The following TMEM51 variants were observed in gnomAD, a reference collection of about 807,000 sequenced individuals.
TMEM51 encodes transmembrane protein 51.
A neutral mutation model predicts 13.6 loss-of-function variants in TMEM51; 8 were observed. The ratio of observed to expected loss-of-function variants is 0.59; its 90% CI spans 0.35 to 1.07. The LOEUF is 1.07. TMEM51 is among the 50% of genes least tolerant of loss of function. The probability of loss-of-function intolerance (pLI) is 0.02; values close to 1 mark genes in which losing one functional copy is unlikely to be tolerated. For missense variants in TMEM51, 279 were observed against 330.7 expected (o/e 0.84, Z 1.21); for synonymous variants, 147 against 144.4 (o/e 1.02, Z -0.13).
At chr1:15,195,422 G>A (rs1279840534) in intron 1 of TMEM51, among the ~76,000 whole-genome samples, 1 of 152,080 alleles carries the variant, frequency 6.6e-6, no homozygotes, top group African/African-American at 2.4e-5. Flanking sequence ...TCTAGTGTGT[G>A]TTTTACACTT....
chr1:15,171,291 A>G, intron 1 of TMEM51: 2 of 1,304,258 alleles, frequency 1.5e-6, no homozygotes, highest in Non-Finnish European at 2.0e-6. Context: ...TTCCAGGTCA[A>G]TGAGAGAAGC....
Position 15,219,011 on chromosome 1 carries a change from T to G in TMEM51, c.345-315T>G, listed in dbSNP as rs77890690. Among the ~76,000 whole-genome samples, 496 of 152,332 alleles carry G rather than the reference T, an allele frequency of 3.3e-3. 2 individuals carry two copies. The highest frequency in any genetic ancestry group is 0.011 in the African/African-American group (478 of 41,572). On this transcript the variant is annotated intron_variant, in intron 3 of 3. Transcript: ENST00000376008. ...TGGTCTAACACCACTGGCTCACCCT[T>G]GAATTCCTTCCTTGATGAAGCCAAG...
chr1:15,159,554 TTTTTG>T (rs1179372726), intron 1 of TMEM51, among the ~76,000 whole-genome samples: 1 of 152,340 alleles, frequency 6.6e-6, no homozygotes. Context: ...GGCATTTCTT[TTTTTG>T]TTTTGTTTTG....
intron 1 of TMEM51, among the ~76,000 whole-genome samples, chr1:15,206,005 G>A (rs1487565975): frequency 6.6e-6 from 1 of 152,188 alleles, no homozygotes; most frequent in Non-Finnish European, 1.5e-5. Context: ...GGGAGGCTGA[G>A]GCAGGCAGAT....
chr1:15,189,183 G>A (rs1328115114), intron 1 of TMEM51, among the ~76,000 whole-genome samples: 9 of 142,006 alleles, frequency 6.3e-5, no homozygotes, highest in African/African-American at 1.8e-4. Context: ...GGGATTACAC[G>A]CACCCTTCAC....
intron 1 of TMEM51, among the ~76,000 whole-genome samples, chr1:15,165,683 T>C (rs987217378): frequency 3.9e-5 from 6 of 152,244 alleles, no homozygotes; most frequent in Admixed American, 3.3e-4. Flanking sequence ...GTATTTTTTA[T>C]AATAGCAATA....
intron 1 of TMEM51, among the ~76,000 whole-genome samples, chr1:15,187,055 A>C (rs1013285821): frequency 6.6e-6 from 1 of 152,144 alleles, no homozygotes; most frequent in African/African-American, 2.4e-5. Flanking sequence ...CAAAACCTGC[A>C]CTGGGCCGGG....
intron 1 of TMEM51, among the ~76,000 whole-genome samples, chr1:15,166,074 A>C (rs61780603): frequency 0.037 from 5,649 of 152,336 alleles, 123 homozygotes; most frequent in Non-Finnish European, 0.043. Context: ...GGATGGGGGT[A>C]GCCATGGGGG....
At chr1:15,195,102 T>C (rs1644021498) in intron 1 of TMEM51, among the ~76,000 whole-genome samples, 1 of 151,666 alleles carries the variant, frequency 6.6e-6, no homozygotes, top group Non-Finnish European at 1.5e-5. Context: ...TTTTTTTGTG[T>C]GTGTATTTTT....
rs886575416 is a variant in TMEM51, at chr1:15,207,070, C to G, written c.-266-3420C>G. ...GTGGGCTGAAACTTGGCAGAGAGAG[C>G]CCCACTGAATTCCTCCTTTGTGATG... On this transcript the variant is annotated intron_variant, in intron 1 of 3. Coordinates refer to ENST00000376008, the MANE Select transcript of TMEM51 (RefSeq NM_001136218.2). The surrounding 1 kb of genome is among the most constrained non-coding windows in gnomAD (Gnocchi z 4.6). Among the ~76,000 whole-genome samples the G allele has an allele frequency of 6.6e-6, 1 of 152,224 alleles. No homozygotes were observed. Among genetic ancestry groups the G allele is most frequent in the Non-Finnish European group, 1.5e-5 (1 of 68,044 alleles).
intron 1 of TMEM51, among the ~76,000 whole-genome samples, chr1:15,200,293 A>G (rs976209023): frequency 2.0e-5 from 3 of 151,250 alleles, no homozygotes; most frequent in Non-Finnish European, 4.4e-5. Flanking sequence ...TATAGTCCCC[A>G]GCTACTCAGA....
At chr1:15,158,362 G>A (rs562074328) in intron 1 of TMEM51, among the ~76,000 whole-genome samples, 10 of 152,232 alleles carry the variant, frequency 6.6e-5, no homozygotes, top group African/African-American at 9.6e-5. Flanking sequence ...TGGAAGCCAC[G>A]GGCCATCTGG....
At chr1:15,185,196 C>A (rs1056018618) in intron 1 of TMEM51, among the ~76,000 whole-genome samples, 4 of 152,182 alleles carry the variant, frequency 2.6e-5, no homozygotes, top group African/African-American at 9.7e-5. Context: ...CTGAGCCCAC[C>A]ATAGGAAAAG....
chr1:15,158,227 C>T (rs558590838), intron 1 of TMEM51, among the ~76,000 whole-genome samples: 59 of 152,190 alleles, frequency 3.9e-4, no homozygotes, highest in Non-Finnish European at 1.5e-4. Context: ...TTCCCTTGGC[C>T]AAAACCCTGT....
intron 1 of TMEM51, among the ~76,000 whole-genome samples, chr1:15,202,658 T>C (rs1387601168): frequency 6.6e-6 from 1 of 152,164 alleles, no homozygotes; most frequent in Admixed American, 6.5e-5. Context: ...TTCCCTCTTA[T>C]AAGGCTACTA....
At chr1:15,187,724 G>A (rs1323950892) in intron 1 of TMEM51, among the ~76,000 whole-genome samples, 1 of 152,182 alleles carries the variant, frequency 6.6e-6, no homozygotes, top group Non-Finnish European at 1.5e-5. Flanking sequence ...CTAGGGCAGT[G>A]GCCTAGGAGA....
Position 15,161,046 on chromosome 1 carries a change from C to A in TMEM51, c.-267+7092C>A, listed in dbSNP as rs1642764957. Among the ~76,000 whole-genome samples, 1 of 152,006 alleles carries A rather than the reference C, an allele frequency of 6.6e-6. No homozygotes were observed. Among genetic ancestry groups the A allele is most frequent in the Non-Finnish European group, 1.5e-5 (1 of 68,038 alleles). On this transcript the variant is annotated intron_variant, in intron 1 of 3. Coordinates refer to ENST00000376008, the MANE Select transcript of TMEM51 (RefSeq NM_001136218.2). The surrounding 1 kb of genome is among the most constrained non-coding windows in gnomAD (Gnocchi z 4.0). ...TGGGGAGCGGGGAGGGCAGGTGCAG[C>A]CGCCACCGCCAAAGGTCTTCCTGGT...
intron 1 of TMEM51, among the ~76,000 whole-genome samples, chr1:15,180,130 C>T (rs574120006): frequency 1.3e-5 from 2 of 152,376 alleles, no homozygotes; most frequent in Admixed American, 1.3e-4. Context: ...TGTTGATGCC[C>T]AGCCTGCGGT....
chr1:15,207,384 G>A lies in TMEM51; in HGVS notation c.-266-3106G>A, dbSNP rs775906199. On this transcript the variant is annotated intron_variant, in intron 1 of 3. Transcript: ENST00000376008. This position sits in a 1 kb window ranked among gnomAD's most constrained non-coding sequence, Gnocchi z 4.6. ...TCCTGGAGAGTTTCTGCAATTCAGC[G>A]AGAAGAGGCAGCGGAAGGCCCAGCC... Among the ~76,000 whole-genome samples, 7 of 152,356 alleles carry A rather than the reference G, an allele frequency of 4.6e-5. No homozygotes were observed. The highest frequency in any genetic ancestry group is 3.9e-4 in the East Asian group (2 of 5,190).
Sources: gnomAD v4.1 joint callset for allele counts (sites outside exome capture counted in the v4.1 genomes callset) on GRCh38, gnomAD v4.1.1 for gene constraint, Gnocchi (gnomAD v3.1) non-coding constraint, MANE v1.5 for transcripts, NCBI Gene and HGNC (gene_info 2026-07-23, HGNC 2026-07-21) for gene names.